PDE10A: variants seen among roughly 807,000 people sequenced by gnomAD.
PDE10A encodes the protein phosphodiesterase 10A, also known as cAMP and cAMP-inhibited cGMP 3',5'-cyclic phosphodiesterase 10A.
PDE10A carries 39 observed loss-of-function variants against 97.7 expected under a neutral mutation model. The observed-to-expected ratio is 0.40, with a 90% CI of 0.31 to 0.52. The LOEUF is 0.52. Ranked by LOEUF, PDE10A falls within the 20% of genes least tolerant of loss-of-function variation. The pLI is 0.56. For synonymous variants in PDE10A, 371 were observed against 376.8 expected, an observed-to-expected ratio of 0.98 and a Z score of 0.18; for missense variants, 731 against 1,047.8, an observed-to-expected ratio of 0.70 and a Z score of 4.17.
chr6:165,905,392 G>C (rs779463641), intron 1 of PDE10A, among the ~76,000 whole-genome samples: 1 of 151,864 alleles, frequency 6.6e-6, no homozygotes, highest in Admixed American at 6.6e-5. Context: ...AAAGCAATTC[G>C]ACCCTTAAAA....
At chr6:165,719,983 T>C (rs58576341) in intron 1 of PDE10A, among the ~76,000 whole-genome samples, 1,602 of 152,274 alleles carry the variant, frequency 0.011, 31 homozygotes, top group African/African-American at 0.037. Flanking sequence ...CAAAGGTGTG[T>C]AAAACGTGAG....
intron 1 of PDE10A, among the ~76,000 whole-genome samples, chr6:165,573,014 T>C (rs1233665185): frequency 6.6e-6 from 1 of 152,228 alleles, no homozygotes; most frequent in African/African-American, 2.4e-5. Context: ...TAATCTGAGC[T>C]AATCTCATAA....
intron 1 of PDE10A, among the ~76,000 whole-genome samples, chr6:165,867,314 T>G (rs1781084204): frequency 6.7e-6 from 1 of 148,158 alleles, no homozygotes. Context: ...AGACTGAAAG[T>G]GGAGGGATGG....
intron 1 of PDE10A, among the ~76,000 whole-genome samples, chr6:165,876,198 C>G (rs1159559850): frequency 6.6e-6 from 1 of 152,030 alleles, no homozygotes; most frequent in Non-Finnish European, 1.5e-5. Context: ...GGCTGCAAGA[C>G]CAGCAAGAAG....
chr6:165,395,326 A>C, intron 14 of PDE10A, 62 bp from the exon 15 acceptor site: 14 of 1,150,952 alleles, frequency 1.2e-5, no homozygotes, highest in Non-Finnish European at 1.8e-5. Context: ...GTAAGTAAAG[A>C]AAAGCATTTA....
At chr6:165,473,011 A>T (rs1779100941) in intron 3 of PDE10A, among the ~76,000 whole-genome samples, 1 of 152,188 alleles carries the variant, frequency 6.6e-6, no homozygotes, top group Non-Finnish European at 1.5e-5. Flanking sequence ...ATATTTCACA[A>T]GAATAAAACT....
chr6:165,831,467 A>G (rs1327582213), intron 1 of PDE10A, among the ~76,000 whole-genome samples: 1 of 131,564 alleles, frequency 7.6e-6, no homozygotes, highest in African/African-American at 2.8e-5. Flanking sequence ...ATTCTGAAAA[A>G]TTGCAGGAGT....
At chr6:165,656,632 C>A (rs1282468292) in intron 1 of PDE10A, among the ~76,000 whole-genome samples, 6 of 152,264 alleles carry the variant, frequency 3.9e-5, no homozygotes, top group Admixed American at 3.3e-4. Flanking sequence ...TCTTATCACC[C>A]GGGTCCCCAA....
At chr6:165,771,654 TAAAA>T (rs35902541) in intron 1 of PDE10A, among the ~76,000 whole-genome samples, 1,855 of 106,312 alleles carry the variant, frequency 0.017, 38 homozygotes, top group East Asian at 0.15. Flanking sequence ...TTTAACAAGA[TAAAA>T]AAAAAAAAAA....
intron 1 of PDE10A, chr6:165,986,623 G>C (rs1312111673): frequency 1.3e-5 from 2 of 152,056 alleles, no homozygotes; most frequent in African/African-American, 4.8e-5. Context: ...TGAGCCGAGA[G>C]GGGAGGAGAG....
chr6:165,484,402 G>A (rs537216208), intron 2 of PDE10A, among the ~76,000 whole-genome samples: 6 of 152,224 alleles, frequency 3.9e-5, no homozygotes, highest in Admixed American at 1.3e-4. Context: ...CTGTCACTGC[G>A]TTACTGCCTG....
At chr6:165,380,947 T>C (rs1405123051) in intron 17 of PDE10A, among the ~76,000 whole-genome samples, 2 of 152,258 alleles carry the variant, frequency 1.3e-5, no homozygotes, top group South Asian at 2.1e-4. Flanking sequence ...TGTTTCAGCA[T>C]GTCTGGCTGG....
chr6:165,920,234 A>G (rs1472393800), intron 1 of PDE10A, among the ~76,000 whole-genome samples: 1 of 152,220 alleles, frequency 6.6e-6, no homozygotes, highest in Non-Finnish European at 1.5e-5. Context: ...ACCCCTAATC[A>G]AAACTACAAT....
At chr6:165,936,697 A>G (rs1783342162) in intron 1 of PDE10A, among the ~76,000 whole-genome samples, 1 of 152,208 alleles carries the variant, frequency 6.6e-6, no homozygotes, top group Admixed American at 6.5e-5. Context: ...GAAGATGGTG[A>G]TTCTTAAATT....
chr6:165,919,375 G>A (rs1385618934), intron 1 of PDE10A, among the ~76,000 whole-genome samples: 1 of 152,166 alleles, frequency 6.6e-6, no homozygotes, highest in Non-Finnish European at 1.5e-5. Context: ...GCTGCCCCAG[G>A]CCCACCTCCA....
chr6:165,586,501 T>C lies in PDE10A; in HGVS notation c.866-42933A>G, dbSNP rs1416655276. On this transcript the variant is annotated intron_variant, in intron 1 of 21. Transcript: ENST00000539869. ...TAGAGATCTGACCAGGTGGGGCAAATAGTCATGTCCCAGAAGAGAACTGAT... is the reference window on the plus strand; with the variant it reads ...TAGAGATCTGACCAGGTGGGGCAAACAGTCATGTCCCAGAAGAGAACTGAT... 3.3e-5 allele frequency among the ~76,000 whole-genome samples: 5 copies of C among 152,068 alleles called. No homozygotes were observed. In the South Asian group the frequency reaches 8.3e-4, roughly 25 times the overall value.
At chr6:165,873,156 G>T (rs1246990876) in intron 1 of PDE10A, among the ~76,000 whole-genome samples, 1 of 152,184 alleles carries the variant, frequency 6.6e-6, no homozygotes, top group Admixed American at 6.5e-5. Flanking sequence ...CAGGCTTCCT[G>T]TGCTGAGGCA....
chr6:165,369,261 T>A (rs929739508), intron 18 of PDE10A, among the ~76,000 whole-genome samples: 5 of 152,058 alleles, frequency 3.3e-5, no homozygotes, highest in African/African-American at 1.2e-4. Context: ...GCAGAAGGCT[T>A]CAGACGATCA....
At chr6:165,955,999 A>C (rs1312913252) in intron 1 of PDE10A, among the ~76,000 whole-genome samples, 3 of 152,264 alleles carry the variant, frequency 2.0e-5, no homozygotes, top group Non-Finnish European at 4.4e-5. Context: ...AGTCACGTCT[A>C]TAAAATGGAA....
Sources: allele counts gnomAD v4.1 joint callset (sites outside exome capture counted in the v4.1 genomes callset), GRCh38; gene constraint gnomAD v4.1.1; transcripts MANE v1.5; gene names NCBI Gene and HGNC (gene_info 2026-07-23, HGNC 2026-07-21).